STRN3: variants seen among roughly 807,000 people sequenced by gnomAD.
The protein encoded by STRN3 is striatin-3.
A neutral mutation model predicts 95.6 loss-of-function variants in STRN3; 29 were observed. That is an observed-to-expected ratio of 0.30 (90% CI 0.23 to 0.41). The LOEUF (loss-of-function observed/expected upper bound fraction) is 0.41, where lower values mean the gene tolerates loss of function less well. STRN3 is among the 10% of genes least tolerant of loss of function. STRN3 has a pLI of 1.00. For synonymous variants in STRN3, 331 were observed against 357.6 expected (o/e 0.93, Z 0.84); for missense variants, 890 against 972.1 (o/e 0.92, Z 1.12).
At chr14:30,995,846 A>G (rs1244714413) in intron 1 of STRN3, among the ~76,000 whole-genome samples, 1 of 152,214 alleles carries the variant, frequency 6.6e-6, no homozygotes, top group East Asian at 1.9e-4. Flanking sequence ...TTCAGGAATG[A>G]AGGATTTATT....
At chr14:30,896,799 C>A (rs903751303) in intron 16 of STRN3, among the ~76,000 whole-genome samples, 2 of 152,104 alleles carry the variant, frequency 1.3e-5, no homozygotes, top group African/African-American at 4.8e-5. Flanking sequence ...CAGATATTAA[C>A]AAAAACACTG....
At chr14:30,939,663 A>C (rs761149553) in intron 5 of STRN3, among the ~76,000 whole-genome samples, 1 of 152,158 alleles carries the variant, frequency 6.6e-6, no homozygotes, top group Non-Finnish European at 1.5e-5. Context: ...TAAATTGACA[A>C]GGCATACAAT....
chr14:30,986,054 C>T (rs915971868), intron 1 of STRN3, among the ~76,000 whole-genome samples: 2 of 152,040 alleles, frequency 1.3e-5, no homozygotes, highest in African/African-American at 4.8e-5. Context: ...AGAGAATGAT[C>T]TTTCTATTAA....
chr14:30,905,594 G>C, intron 14 of STRN3, 36 bp from the exon 15 acceptor site: 1 of 1,550,924 alleles, frequency 6.4e-7, no homozygotes, highest in Non-Finnish European at 8.6e-7. Flanking sequence ...TGTAAACAAA[G>C]TAAAATTACT....
intron 1 of STRN3, among the ~76,000 whole-genome samples, chr14:30,957,875 T>C (rs1273043862): frequency 6.6e-6 from 1 of 152,198 alleles, no homozygotes; most frequent in Non-Finnish European, 1.5e-5. Context: ...TTGTTCAGTA[T>C]GAGAAAGAAA....
intron 8 of STRN3, among the ~76,000 whole-genome samples, chr14:30,921,580 T>C (rs772108728): frequency 6.6e-6 from 1 of 152,214 alleles, no homozygotes; most frequent in Non-Finnish European, 1.5e-5. Context: ...CTTTACTCTA[T>C]TGTGCAGAGC....
At chr14:30,970,321 G>GA (rs1880760563) in intron 1 of STRN3, among the ~76,000 whole-genome samples, 1 of 152,184 alleles carries the variant, frequency 6.6e-6, no homozygotes, top group East Asian at 1.9e-4. Flanking sequence ...CCAGGAGTCT[G>GA]GCCCCCCGAT....
intron 13 of STRN3, among the ~76,000 whole-genome samples, chr14:30,907,267 A>G (rs960132726): frequency 1.3e-5 from 2 of 152,028 alleles, no homozygotes; most frequent in Non-Finnish European, 2.9e-5. Context: ...AATTTTCTAT[A>G]AAGAAACATA....
Position 30,918,965 on chromosome 14 carries a change from C to G in STRN3, c.1240+1G>C. 3 of 1,562,996 alleles carry G rather than the reference C, an allele frequency of 1.9e-6. No homozygotes were observed. Among genetic ancestry groups the G allele is most frequent in the East Asian group, 4.7e-5 (2 of 42,812 alleles). Reference sequence around the variant, plus strand: ...ATAAACATGGTAGCTAAATTTTGTACCTTCCTCTGCTCTTGCACCTTCATG... The same window carrying G: ...ATAAACATGGTAGCTAAATTTTGTAGCTTCCTCTGCTCTTGCACCTTCATG... On this transcript the variant is annotated splice_donor_variant, in intron 9 of 17. Transcript: ENST00000357479. LOFTEE classifies it high-confidence loss of function.
intron 8 of STRN3, among the ~76,000 whole-genome samples, chr14:30,926,003 T>A (rs1156479569): frequency 1.3e-5 from 2 of 152,088 alleles, no homozygotes; most frequent in Non-Finnish European, 2.9e-5. Context: ...ATTAAGATCA[T>A]TAGAAGTTTG....
intron 1 of STRN3, chr14:31,018,885 G>A (rs187264724): frequency 3.8e-4 from 108 of 283,672 alleles, no homozygotes; most frequent in East Asian, 3.6e-3. Flanking sequence ...CATTTTGGGA[G>A]GCCAGGGTGG....
chr14:30,932,344 CATAAAT>C (rs1878582454), intron 7 of STRN3: 1 of 152,116 alleles, frequency 6.6e-6, no homozygotes, highest in African/African-American at 2.4e-5. Flanking sequence ...AAATGAATTC[CATAAAT>C]ATAAAGAGTG....
chr14:30,948,517 A>G (rs1028044458), intron 4 of STRN3, among the ~76,000 whole-genome samples: 3 of 152,226 alleles, frequency 2.0e-5, no homozygotes, highest in African/African-American at 7.2e-5. Flanking sequence ...GAAAAAAATG[A>G]TAGCAGAGAG....
At chr14:30,955,836 G>T in intron 2 of STRN3, 143 bp from the exon 3 acceptor site, 1 of 685,326 alleles carries the variant, frequency 1.5e-6, no homozygotes, top group Non-Finnish European at 2.2e-6. Flanking sequence ...CTATATTGCT[G>T]TAAAAGAAAA....
intron 1 of STRN3, among the ~76,000 whole-genome samples, chr14:30,997,732 C>T (rs572388736): frequency 3.3e-5 from 5 of 152,156 alleles, no homozygotes; most frequent in African/African-American, 1.2e-4. Flanking sequence ...CCCTTGAACC[C>T]TCTAAGCTCA....
intron 5 of STRN3, among the ~76,000 whole-genome samples, chr14:30,944,564 TATATATAC>T (rs1245990349): frequency 1.9e-4 from 14 of 72,700 alleles, no homozygotes; most frequent in African/African-American, 5.1e-4. Flanking sequence ...TATATATATA[TATATATAC>T]ACACACAGAC....
chr14:30,928,118 C>CTATA (rs149359852), intron 8 of STRN3, among the ~76,000 whole-genome samples: 61 of 152,132 alleles, frequency 4.0e-4, no homozygotes, highest in African/African-American at 1.4e-3. Flanking sequence ...GCAGTTCACT[C>CTATA]TATAGTCTTT....
At chr14:30,933,374 A>T (rs2139066429) in intron 7 of STRN3, among the ~76,000 whole-genome samples, 1 of 150,836 alleles carries the variant, frequency 6.6e-6, no homozygotes, top group African/African-American at 2.4e-5. Flanking sequence ...AAATCCTGTT[A>T]ACTAAATAAG....
intron 5 of STRN3, among the ~76,000 whole-genome samples, chr14:30,942,455 C>A (rs973591316): frequency 4.0e-4 from 61 of 152,060 alleles, no homozygotes; most frequent in African/African-American, 1.4e-3. Context: ...AAAATGAAGC[C>A]AAAGGTAAGG....
Sources: gnomAD v4.1 joint callset for allele counts (sites outside exome capture counted in the v4.1 genomes callset) on GRCh38, gnomAD v4.1.1 for gene constraint, MANE v1.5 for transcripts, NCBI Gene and HGNC (gene_info 2026-07-23, HGNC 2026-07-21) for gene names.